ZFP64: variants seen among roughly 807,000 people sequenced by gnomAD.
ZFP64 encodes the protein ZFP64 zinc finger protein.
ZFP64 carries 14 observed loss-of-function variants against 51.6 expected under a neutral mutation model. The observed-to-expected ratio is 0.27, with a 90% CI of 0.18 to 0.42. The LOEUF is 0.42. Ranked by LOEUF, ZFP64 falls within the 10% of genes least tolerant of loss-of-function variation. The probability of loss-of-function intolerance (pLI) is 1.00; values close to 1 mark genes in which losing one functional copy is unlikely to be tolerated. For missense variants in ZFP64, 754 were observed against 906.8 expected (o/e 0.83, Z 2.16); for synonymous variants, 375 against 361.4 (o/e 1.04, Z -0.43).
intron 5 of ZFP64, among the ~76,000 whole-genome samples, chr20:52,103,122 C>T (rs1363147511): frequency 6.6e-6 from 1 of 152,094 alleles, no homozygotes; most frequent in African/African-American, 2.4e-5. Flanking sequence ...AGACCCTCTG[C>T]CTCTGGAAGT....
chr20:52,128,525 C>T (rs1979554258), intron 5 of ZFP64, among the ~76,000 whole-genome samples: 1 of 152,174 alleles, frequency 6.6e-6, no homozygotes, highest in Admixed American at 6.5e-5. Flanking sequence ...AAGATGGACA[C>T]ATTTACAGTA....
chr20:52,160,452 G>T lies in ZFP64; in HGVS notation c.512-78C>A. 1 of 1,511,076 alleles carries T rather than the reference G, an allele frequency of 6.6e-7. No homozygotes were observed. The highest frequency in any genetic ancestry group is 1.3e-5 in the South Asian group (1 of 75,216). 93.6% of individuals were successfully genotyped at this position (1,511,076 alleles called of 1,614,324 possible). ...AAAGGCTTATTTCCCACTGCCTTAC[G>T]AAAAAAGTCATATACAACCACCGAA... is the stretch of plus-strand genomic sequence containing the variant. On this transcript the variant is annotated intron_variant, in intron 4 of 5. Transcript: ENST00000216923. This position sits in a 1 kb window ranked among gnomAD's most constrained non-coding sequence, Gnocchi z 4.2.
chr20:52,165,004 T>C (rs1982134779), intron 3 of ZFP64: 1 of 634,002 alleles, frequency 1.6e-6, no homozygotes, highest in African/African-American at 1.8e-5. Context: ...CTGAGGCCCT[T>C]TTGACAAAAA....
intron 5 of ZFP64, among the ~76,000 whole-genome samples, chr20:52,127,296 T>TA (rs1979492199): frequency 6.6e-6 from 1 of 151,930 alleles, no homozygotes; most frequent in Non-Finnish European, 1.5e-5. Context: ...AATTTTTTCT[T>TA]TTAAAGGGAA....
At chr20:52,146,636 G>A (rs1428018568), downstream of ZFP64, among the ~76,000 whole-genome samples, 4 of 151,322 alleles carry the variant, frequency 2.6e-5, no homozygotes, top group Non-Finnish European at 5.9e-5. Context: ...GCTAAATGAC[G>A]AGTTAATGGG....
rs531948227 is a variant in ZFP64 at position 52,170,350 on chromosome 20, G to T, written c.287-4325C>A. Among the ~76,000 whole-genome samples the T allele has an allele frequency of 5.1e-3, 772 of 152,252 alleles. 5 individuals carry two copies. The highest frequency in any genetic ancestry group is 0.031 in the Middle Eastern group (9 of 294). On this transcript the variant is annotated intron_variant, in intron 2 of 5. Coordinates refer to ENST00000216923, the MANE Select transcript of ZFP64 (RefSeq NM_018197.3). ...ACCTGTAGTCCCAGCTACTCAGGAG[G>T]CTGAGGCAGGAGAATCGCTTGGACC...
Position 52,085,463 on chromosome 20 carries a change from A to G in ZFP64, c.1229-197T>C, listed in dbSNP as rs1460523103. ...CCTATGAGTGGGTACTATTACCCCC[A>G]CTTTACAGATGGGACAACTGAGGCT... is the stretch of plus-strand genomic sequence containing the variant. On this transcript the variant is annotated intron_variant, in intron 8 of 8. Transcript: ENST00000361387. The surrounding 1 kb of genome is among the most constrained non-coding windows in gnomAD (Gnocchi z 4.3). Among the ~76,000 whole-genome samples the G allele has an allele frequency of 6.6e-6, 1 of 152,182 alleles. No individual in the cohort carries two copies. Among genetic ancestry groups the G allele is most frequent in the Non-Finnish European group, 1.5e-5 (1 of 68,034 alleles).
chr20:52,132,418 A>G (rs1162701322), intron 5 of ZFP64, among the ~76,000 whole-genome samples: 1 of 151,856 alleles, frequency 6.6e-6, no homozygotes, highest in Non-Finnish European at 1.5e-5. Flanking sequence ...AGGTCAATGA[A>G]AAAAAGCTGT....
intron 7 of ZFP64, among the ~76,000 whole-genome samples, chr20:52,092,494 A>G (rs2078938907): frequency 6.6e-6 from 1 of 152,270 alleles, no homozygotes; most frequent in Admixed American, 6.5e-5. Context: ...CAATAAATTT[A>G]GAAGACTCAA....
rs769806610 is a variant in ZFP64 at position 52,186,956 on chromosome 20, G to A, written c.162C>T (p.Cys54=). The A allele has an allele frequency of 4.3e-6, 7 of 1,614,138 alleles. No individual in the cohort carries two copies. The highest frequency in any genetic ancestry group is 4.2e-6 in the Non-Finnish European group (5 of 1,179,992). The change falls in exon 2 of 6, where the codon TGC becomes TGT. Residue 54 remains cysteine (C), a synonymous_variant. Transcript: ENST00000216923. ...CTGCTGCGGATGTGCCTGTCAGCTGGCAGCCACTTTGCTTGTGAGCTACAA... is the reference window on the plus strand; with the variant it reads ...CTGCTGCGGATGTGCCTGTCAGCTGACAGCCACTTTGCTTGTGAGCTACAA... ...DAFVAHKQSG[C]QLTGTSAAAP... is the part of the protein sequence containing the mutation.
chr20:52,105,161 T>C, intron 5 of ZFP64: 1 of 1,450,836 alleles, frequency 6.9e-7, no homozygotes, highest in Admixed American at 2.7e-5. Flanking sequence ...CGGGGCCACC[T>C]CCGCACACTC....
chr20:52,129,919 A>G (rs1263198511), intron 5 of ZFP64, among the ~76,000 whole-genome samples: 1 of 152,150 alleles, frequency 6.6e-6, no homozygotes, highest in Non-Finnish European at 1.5e-5. Flanking sequence ...TATTATAATA[A>G]AACATGTCAG....
intron 5 of ZFP64, 143 bp downstream of exon 5, chr20:52,159,979 AC>A: frequency 1.4e-6 from 2 of 1,391,794 alleles, no homozygotes; most frequent in Non-Finnish European, 1.9e-6. Context: ...AACAACAACA[AC>A]AAAAAAAAAC....
chr20:52,091,840 A>T lies in ZFP64; in HGVS notation c.977-3197T>A, dbSNP rs556865456. On this transcript the variant is annotated intron_variant, in intron 7 of 8. Transcript: ENST00000361387. The stretch of plus-strand genomic sequence containing the variant: ...CCGTCTCTACTAAAAATACAAAAAA[A>T]TTAGCTAGACGTGGTGGCACATGCC... Among the ~76,000 whole-genome samples, 100 of 150,376 alleles carry T rather than the reference A, an allele frequency of 6.7e-4. 1 individual carries two copies. The highest frequency in any genetic ancestry group is 2.4e-3 in the African/African-American group (98 of 41,446).
At chr20:52,088,747 T>G in intron 7 of ZFP64, 5 of 1,444,476 alleles carry the variant, frequency 3.5e-6, no homozygotes, top group Non-Finnish European at 4.8e-6. Context: ...CGCCTCCTCC[T>G]GTCCAAATAC....
intron 5 of ZFP64, chr20:52,104,972 CG>C: frequency 4.9e-6 from 4 of 822,018 alleles, no homozygotes; most frequent in Non-Finnish European, 7.4e-6. Flanking sequence ...TTTACAAAGG[CG>C]GGGGGCGGGG....
At chr20:52,092,472 A>G (rs2078938643) in intron 7 of ZFP64, among the ~76,000 whole-genome samples, 1 of 152,252 alleles carries the variant, frequency 6.6e-6, no homozygotes, top group Non-Finnish European at 1.5e-5. Flanking sequence ...TATTAAGTAG[A>G]ACTTTATACC....
chr20:52,166,232 T>C (rs1414731070), intron 2 of ZFP64, among the ~76,000 whole-genome samples: 1 of 145,544 alleles, frequency 6.9e-6, no homozygotes, highest in Non-Finnish European at 1.5e-5. Flanking sequence ...CTTTCCTCCC[T>C]GATTTAAAAT....
chr20:52,184,013 G>A (rs951374037), intron 2 of ZFP64, among the ~76,000 whole-genome samples: 16 of 152,118 alleles, frequency 1.1e-4, no homozygotes, highest in African/African-American at 3.6e-4. Flanking sequence ...ACCATGCCTG[G>A]CCAATTTTTG....
Sources: gnomAD v4.1 joint callset for allele counts (sites outside exome capture counted in the v4.1 genomes callset) on GRCh38, gnomAD v4.1.1 for gene constraint, Gnocchi (gnomAD v3.1) non-coding constraint, MANE v1.5 for transcripts, NCBI Gene and HGNC (gene_info 2026-07-23, HGNC 2026-07-21) for gene names.